The following AKAP9 variants were observed in gnomAD, a reference collection of about 807,000 sequenced individuals.
The protein encoded by AKAP9 is A-kinase anchor protein 9.
In AKAP9, 311 loss-of-function variants were observed where a neutral mutation model predicts 488.5. The observed-to-expected ratio is 0.64, with a 90% CI of 0.58 to 0.70. The LOEUF is 0.70. Ranked by LOEUF, AKAP9 falls within the 30% of genes least tolerant of loss-of-function variation. AKAP9 has a pLI of 0.00. For missense variants in AKAP9, 4,215 were observed against 4,374.5 expected, an observed-to-expected ratio of 0.96 and a Z score of 1.03; for synonymous variants, 1,462 against 1,483.5, an observed-to-expected ratio of 0.99 and a Z score of 0.33.
At chr7:92,007,986 G>T (rs1002083373) in intron 8 of AKAP9, among the ~76,000 whole-genome samples, 1 of 152,098 alleles carries the variant, frequency 6.6e-6, no homozygotes, top group African/African-American at 2.4e-5. Flanking sequence ...GTAAAAAGAA[G>T]GAAATAATAA....
intron 47 of AKAP9, among the ~76,000 whole-genome samples, chr7:92,105,981 T>C (rs558719845): frequency 6.6e-6 from 1 of 152,348 alleles, no homozygotes; most frequent in South Asian, 2.1e-4. Flanking sequence ...GAACTGCACA[T>C]GTGAGGAATC....
chr7:92,012,357 C>T, intron 8 of AKAP9, 72 bp from the exon 9 acceptor site: 1 of 1,392,504 alleles, frequency 7.2e-7, no homozygotes, highest in Non-Finnish European at 1.0e-6. Context: ...TCAGTATATG[C>T]AAAAAAAAGA....
At chr7:92,076,778 A>G in intron 28 of AKAP9, 77 bp from the exon 29 acceptor site, 1 of 871,042 alleles carries the variant, frequency 1.1e-6, no homozygotes, top group East Asian at 2.8e-5. Context: ...TTGTAAAGCT[A>G]ATATAGCACT....
At chr7:92,110,026 G>A (rs1309399304) in intron 49 of AKAP9, 96 bp from the exon 50 acceptor site, 4 of 948,276 alleles carry the variant, frequency 4.2e-6, no homozygotes, top group Admixed American at 4.1e-5. Context: ...AAAAAATGGA[G>A]AATAATAATA....
In AKAP9 at chr7:92,007,710, T is replaced by A. The variant is rs147284806; in HGVS notation, c.3318+4475T>A. Among the ~76,000 whole-genome samples, 1,061 of 152,292 alleles carry A rather than the reference T, an allele frequency of 7.0e-3. 15 individuals carry two copies. The highest frequency in any genetic ancestry group is 0.024 in the African/African-American group (1,007 of 41,554). On this transcript the variant is annotated intron_variant, in intron 8 of 49. Coordinates refer to ENST00000356239, the MANE Select transcript of AKAP9 (RefSeq NM_005751.5). The stretch of plus-strand genomic sequence containing the variant: ...AAGTTACTGAAGTTCAACTTAGTAA[T>A]TGGTTTATAGTTTATCTGGAGAAGA...
In AKAP9 at chr7:92,100,893, A is replaced by G; in HGVS notation, c.10934A>G (p.Glu3645Gly). 1.2e-6 allele frequency: 2 copies of G among 1,614,210 alleles called. No homozygotes were observed. Among genetic ancestry groups the G allele is most frequent in the East Asian group, 4.5e-5 (2 of 44,880 alleles). Residue 3645 changes from glutamate to glycine, a missense_variant, in exon 45 of 50, where the codon GAA (glutamate) becomes GGA (glycine). Glu to Gly is a moderately conservative substitution (Grantham distance 98). This residue lies in a region of AKAP9 where 74 missense variants were observed against 113.0 expected (regional missense o/e 0.65). Transcript: ENST00000356239. ...RFSLNGGANIEAIIASEKEVW... is the reference protein window; with the variant it reads ...RFSLNGGANIGAIIASEKEVW... ...TCATTGAATGGTGGTGCCAACATTG[A>G]AGCCATCATTGCCTCTGAAAAAGAA... is the stretch of plus-strand genomic sequence containing the variant.
chr7:92,070,861 G>T (rs1463095369), intron 27 of AKAP9, 44 bp from the exon 28 acceptor site: 2 of 1,377,110 alleles, frequency 1.5e-6, no homozygotes, highest in Non-Finnish European at 2.0e-6. Context: ...GGATAATCAG[G>T]ATTTAATTTA....
chr7:92,019,122 T>C (rs537082571), intron 12 of AKAP9, among the ~76,000 whole-genome samples: 1 of 152,086 alleles, frequency 6.6e-6, no homozygotes, highest in African/African-American at 2.4e-5. Flanking sequence ...CAGTCAACAA[T>C]TTTTATTTTT....
intron 8 of AKAP9, 115 bp downstream of exon 8, chr7:92,003,350 C>A (rs1373587390): frequency 1.3e-6 from 1 of 785,464 alleles, no homozygotes; most frequent in Non-Finnish European, 2.0e-6. Context: ...TGAAAATGAA[C>A]CCTCTGATGT....
chr7:92,087,751 C>T (rs1814836556), intron 37 of AKAP9, among the ~76,000 whole-genome samples: 1 of 151,828 alleles, frequency 6.6e-6, no homozygotes, highest in African/African-American at 2.4e-5. Flanking sequence ...GTCGAAAGGT[C>T]ATAGAAGCCA....
At chr7:92,063,879 C>G (rs1810328611) in intron 24 of AKAP9, among the ~76,000 whole-genome samples, 1 of 152,096 alleles carries the variant, frequency 6.6e-6, no homozygotes, top group South Asian at 2.1e-4. Flanking sequence ...CTCCTGGGTT[C>G]AAGCGATTCT....
chr7:91,979,939 G>A (rs1217200820), intron 2 of AKAP9, among the ~76,000 whole-genome samples: 1 of 152,086 alleles, frequency 6.6e-6, no homozygotes, highest in Non-Finnish European at 1.5e-5. Flanking sequence ...TGAAATTATA[G>A]GAAGCAATAC....
chr7:91,959,331 C>T lies in AKAP9; in HGVS notation c.49-14380C>T, dbSNP rs149735779. Among the ~76,000 whole-genome samples the T allele has an allele frequency of 4.8e-4, 73 of 151,996 alleles. 2 individuals are homozygous for T. Among genetic ancestry groups the T allele is most frequent in the Admixed American group, 4.7e-3 (72 of 15,268 alleles). On this transcript the variant is annotated intron_variant, in intron 1 of 49. Coordinates refer to ENST00000356239, the MANE Select transcript of AKAP9 (RefSeq NM_005751.5). ...TTGAGATAGGATCTCACTCTGTTGC[C>T]CAGGCTGGAGTGGAGTGCGGTGATG...
intron 8 of AKAP9, among the ~76,000 whole-genome samples, chr7:92,006,211 C>T (rs529706108): frequency 6.6e-5 from 10 of 151,594 alleles, no homozygotes; most frequent in East Asian, 3.9e-4. Context: ...AGTCTCATGG[C>T]GCAATCACAG....
intron 49 of AKAP9, chr7:92,108,943 A>G (rs1338417243): frequency 4.4e-6 from 2 of 455,622 alleles, no homozygotes; most frequent in African/African-American, 3.9e-5. Context: ...CTCTGAGTCT[A>G]CAGAGCCTAA....
chr7:92,079,003 G>A, intron 30 of AKAP9, 76 bp from the exon 31 acceptor site: 2 of 927,384 alleles, frequency 2.2e-6, no homozygotes, highest in East Asian at 5.3e-5. Context: ...TTGAGGTACT[G>A]CCCTAAAATA....
At chr7:92,105,654 A>G in intron 46 of AKAP9, 24 bp from the exon 47 acceptor site, 3 of 1,593,544 alleles carry the variant, frequency 1.9e-6, no homozygotes, top group Non-Finnish European at 2.6e-6. Context: ...GGGCTGTGAA[A>G]TTTTATCTTG....
chr7:91,968,020 C>A (rs542371721), intron 1 of AKAP9, among the ~76,000 whole-genome samples: 52 of 152,248 alleles, frequency 3.4e-4, no homozygotes, highest in African/African-American at 1.2e-3. Flanking sequence ...TCACTGCAAC[C>A]TCTGCCTCCT....
At chr7:92,106,039 G>T (rs1818463840) in intron 47 of AKAP9, among the ~76,000 whole-genome samples, 1 of 152,238 alleles carries the variant, frequency 6.6e-6, no homozygotes, top group African/African-American at 2.4e-5. Context: ...TGATTATCTG[G>T]GGTGGAACAG....
Sources: allele counts gnomAD v4.1 joint callset (sites outside exome capture counted in the v4.1 genomes callset), GRCh38; gene constraint gnomAD v4.1.1; regional missense constraint gnomAD v4.1.1; transcripts MANE v1.5; gene names NCBI Gene and HGNC (gene_info 2026-07-23, HGNC 2026-07-21).